Variants in DOCK4 observed in about 807,000 individuals in gnomAD.
The protein encoded by DOCK4 is dedicator of cytokinesis protein 4.
In DOCK4, 97 loss-of-function variants were observed where a neutral mutation model predicts 268.1. That is an observed-to-expected ratio of 0.36 (90% CI 0.31 to 0.43). The LOEUF is 0.43. Ranked by LOEUF, DOCK4 falls within the 20% of genes least tolerant of loss-of-function variation. The pLI, the probability that DOCK4 is intolerant of heterozygous loss-of-function variation, is 1.00. For missense variants in DOCK4, 2,145 were observed against 2,455.7 expected (o/e 0.87, Z 2.67); for synonymous variants, 954 against 887.2 (o/e 1.08, Z -1.34).
At chr7:112,152,659 T>G (rs1431791578) in intron 1 of DOCK4, among the ~76,000 whole-genome samples, 4 of 152,178 alleles carry the variant, frequency 2.6e-5, no homozygotes, top group Non-Finnish European at 1.5e-5. Context: ...TCTTGTTTGT[T>G]TGTTTTTGTA....
At chr7:111,916,995 T>TG (rs1442509827) in intron 12 of DOCK4, among the ~76,000 whole-genome samples, 3 of 143,446 alleles carry the variant, frequency 2.1e-5, no homozygotes, top group Admixed American at 6.9e-5. Context: ...TTTTTTTTTT[T>TG]TTTTTTTTTT....
At chr7:111,819,062 A>G (rs1801780235) in intron 27 of DOCK4, among the ~76,000 whole-genome samples, 1 of 152,192 alleles carries the variant, frequency 6.6e-6, no homozygotes. Context: ...TGATTTAACA[A>G]ATCGCTTTTT....
chr7:111,920,154 C>A (rs980050363), intron 12 of DOCK4, among the ~76,000 whole-genome samples: 6 of 151,876 alleles, frequency 4.0e-5, no homozygotes, highest in African/African-American at 1.5e-4. Flanking sequence ...GGAGAGTAAA[C>A]CGGGAGATTT....
intron 21 of DOCK4, among the ~76,000 whole-genome samples, chr7:111,868,494 T>C (rs1806158563): frequency 2.0e-5 from 3 of 152,164 alleles, no homozygotes; most frequent in Admixed American, 2.0e-4. Flanking sequence ...GTGGATCACC[T>C]GAAGTCAGGA....
In DOCK4 at chr7:111,840,303, C is replaced by CACATCAGAGT. The variant is rs1236556436; in HGVS notation, c.2736+4450_2736+4459dup. Among the ~76,000 whole-genome samples the CACATCAGAGT allele has an allele frequency of 2.0e-5, 3 of 152,180 alleles. No homozygotes were observed. The East Asian group carries it at 5.8e-4, about 29-fold the overall frequency. The stretch of plus-strand genomic sequence containing the variant: ...ACATCACATGAAAATTTTAGATAAA[C>CACATCAGAGT]ACATCAGAGTAGCTGTCTTAGACCT... On this transcript the variant is annotated intron_variant, in intron 25 of 52. Transcript: ENST00000428084.
intron 16 of DOCK4, among the ~76,000 whole-genome samples, chr7:111,892,109 T>C (rs1808331551): frequency 6.6e-6 from 1 of 152,238 alleles, no homozygotes; most frequent in Non-Finnish European, 1.5e-5. Context: ...ATTTGATTTC[T>C]AACATTTGAG....
At chr7:111,952,762 C>G (rs1022440785) in intron 8 of DOCK4, among the ~76,000 whole-genome samples, 4 of 152,072 alleles carry the variant, frequency 2.6e-5, no homozygotes, top group African/African-American at 9.7e-5. Flanking sequence ...GATTTATGGT[C>G]TCCAAGAAGA....
chr7:112,173,786 C>G (rs373261993), intron 1 of DOCK4, among the ~76,000 whole-genome samples: 1 of 152,122 alleles, frequency 6.6e-6, no homozygotes, highest in East Asian at 1.9e-4. Flanking sequence ...GGCAATTCCA[C>G]GTGGAAAATA....
chr7:111,919,984 G>A (rs1792963238), intron 12 of DOCK4, among the ~76,000 whole-genome samples: 1 of 152,142 alleles, frequency 6.6e-6, no homozygotes, highest in South Asian at 2.1e-4. Flanking sequence ...CACCAGAACA[G>A]TAAGAAACAA....
At chr7:111,984,103 A>G (rs148232673) in intron 7 of DOCK4, among the ~76,000 whole-genome samples, 29 of 152,276 alleles carry the variant, frequency 1.9e-4, no homozygotes, top group Admixed American at 6.5e-4. Context: ...TTGAGGGCCC[A>G]CTGGAGAGTA....
chr7:111,756,086 C>A (rs534734344), intron 41 of DOCK4, among the ~76,000 whole-genome samples: 10 of 152,154 alleles, frequency 6.6e-5, no homozygotes, highest in Non-Finnish European at 1.3e-4. Context: ...CGGTGGCTCA[C>A]GCCTGTAATC....
At position 111,973,838 on chromosome 7, in the gene DOCK4, T is replaced by C. The variant is rs1018503534; in HGVS notation, c.701+3294A>G. Reference sequence around the variant, plus strand: ...GAGGGTACATAAGGGTTCCTTACAATAGTCTACTTCTATATATGTTGGAAA... The same window carrying C: ...GAGGGTACATAAGGGTTCCTTACAACAGTCTACTTCTATATATGTTGGAAA... On this transcript the variant is annotated intron_variant, in intron 8 of 52. Coordinates refer to ENST00000428084, the MANE Select transcript of DOCK4 (RefSeq NM_001363540.2). Among the ~76,000 whole-genome samples the C allele has an allele frequency of 1.6e-4, 24 of 152,278 alleles. 1 individual carries two copies. Among genetic ancestry groups the C allele is most frequent in the African/African-American group, 5.5e-4 (23 of 41,560 alleles).
chr7:112,010,051 A>T (rs554252161), intron 1 of DOCK4, among the ~76,000 whole-genome samples: 1 of 152,184 alleles, frequency 6.6e-6, no homozygotes, highest in Admixed American at 6.5e-5. Context: ...TCCTGAGCTC[A>T]AGCAACTTGC....
chr7:111,869,647 A>G lies in DOCK4; in HGVS notation c.2036T>C (p.Ile679Thr). The G allele has an allele frequency of 6.2e-7, 1 of 1,613,126 alleles. No individual in the cohort carries two copies. The highest frequency in any genetic ancestry group is 8.5e-7 in the Non-Finnish European group (1 of 1,179,234). ...GTCCACGTACCATTTGAGCACTTTG[A>G]TGAGATCTCTAAAATACAGGGGAAA... ...FAGALAYRDL[I>T]KVLKWYVDRI... The change falls in exon 21 of 53, where the codon ATC becomes ACC. Residue 679 changes from isoleucine (I) to threonine (T), a missense_variant. Ile to Thr is a moderately conservative substitution (Grantham distance 89). This residue lies in a region of DOCK4 where 1,598 missense variants were observed against 1,986.7 expected (regional missense o/e 0.80). Transcript: ENST00000428084.
intron 12 of DOCK4, among the ~76,000 whole-genome samples, chr7:111,926,049 C>T (rs562100617): frequency 4.4e-4 from 62 of 140,116 alleles, no homozygotes; most frequent in South Asian, 3.4e-3. Context: ...GAGCCGAGAT[C>T]GTGCCACTGC....
chr7:111,784,025 A>G (rs1798981295), intron 33 of DOCK4, 72 bp downstream of exon 33: 1 of 1,571,382 alleles, frequency 6.4e-7, no homozygotes, highest in Admixed American at 1.9e-5. Context: ...CTTTACTTTC[A>G]TCAGTACCTT....
intron 1 of DOCK4, among the ~76,000 whole-genome samples, chr7:112,083,477 A>G (rs1486102482): frequency 6.6e-6 from 1 of 152,072 alleles, no homozygotes; most frequent in Non-Finnish European, 1.5e-5. Context: ...TTATCTTTAC[A>G]TGTTGAGCTT....
intron 42 of DOCK4, among the ~76,000 whole-genome samples, chr7:111,748,537 C>T (rs534600596): frequency 6.6e-6 from 1 of 152,224 alleles, no homozygotes; most frequent in African/African-American, 2.4e-5. Flanking sequence ...CATTTGTGAT[C>T]AAAGATGTGA....
intron 1 of DOCK4, among the ~76,000 whole-genome samples, chr7:112,153,341 T>G (rs1331697859): frequency 6.6e-6 from 1 of 152,180 alleles, no homozygotes; most frequent in African/African-American, 2.4e-5. Context: ...AAAATCACAG[T>G]GTTTTTAATA....
Sources: allele counts gnomAD v4.1 joint callset (sites outside exome capture counted in the v4.1 genomes callset), GRCh38; gene constraint gnomAD v4.1.1; regional missense constraint gnomAD v4.1.1; transcripts MANE v1.5; gene names NCBI Gene and HGNC (gene_info 2026-07-23, HGNC 2026-07-21).